The following PLEC variants were observed in gnomAD, a reference collection of about 807,000 sequenced individuals.
PLEC encodes hemidesmosomal protein 1.
A neutral mutation model predicts 392.8 loss-of-function variants in PLEC; 216 were observed. That is an observed-to-expected ratio of 0.55 (90% CI 0.49 to 0.62). PLEC has a LOEUF of 0.62. PLEC is among the 20% of genes least tolerant of loss of function. The pLI, the probability that PLEC is intolerant of heterozygous loss-of-function variation, is 0.00. For missense variants in PLEC, 6,863 were observed against 6,563.4 expected, an observed-to-expected ratio of 1.05 and a Z score of -1.58; for synonymous variants, 3,621 against 2,980.6, an observed-to-expected ratio of 1.21 and a Z score of -7.00.
rs781832846 is a variant in PLEC, at chr8:143,916,843, G to T, written c.12978C>A (p.Thr4326=). Residue 4326 remains threonine, a synonymous_variant, in exon 32 of 32, where the codon ACC becomes ACA. Transcript: ENST00000345136. ...ACTGGIIDPS[T]GERFPVTDAV... is the part of the protein sequence containing the mutation. ...CGTCGGTGACAGGGAAGCGCTCACC[G>T]GTGCTGGGGTCGATGATGCCCCCGG... The T allele has an allele frequency of 6.2e-7, 1 of 1,612,924 alleles. No individual in the cohort carries two copies. Among genetic ancestry groups the T allele is most frequent in the Non-Finnish European group, 8.5e-7 (1 of 1,179,934 alleles).
intron 3 of PLEC, chr8:143,937,824 T>C: frequency 1.8e-6 from 1 of 556,876 alleles, no homozygotes; most frequent in Non-Finnish European, 3.4e-6. Context: ...AGGGCAGAGG[T>C]CAAGGTTCAG....
intron 1 of PLEC, among the ~76,000 whole-genome samples, chr8:143,949,017 C>A (rs1426757738): frequency 6.6e-6 from 1 of 152,192 alleles, no homozygotes; most frequent in African/African-American, 2.4e-5. Flanking sequence ...TCCAAAGCCG[C>A]AGAGAGAGCC....
In PLEC at chr8:143,920,524, C is replaced by A; in HGVS notation, c.9297G>T (p.Glu3099Asp). ...PEFHEKLLSA[E>D]KAVTGYRDPY... ...GGTCCCTGTACCCTGTCACAGCCTT[C>A]TCGGCTGATAGCAGCTTCTCATGAA... The change falls in exon 32 of 32, where the codon GAG becomes GAT. Residue 3099 changes from glutamate (E) to aspartate (D), a missense_variant. Glu to Asp is a conservative substitution (Grantham distance 45). Transcript: ENST00000345136. 1 of 1,611,386 alleles carries A rather than the reference C, an allele frequency of 6.2e-7. No individual in the cohort carries two copies. Among genetic ancestry groups the A allele is most frequent in the Non-Finnish European group, 8.5e-7 (1 of 1,179,530 alleles).
chr8:143,959,770 G>A (rs1554740212), intron 1 of PLEC, among the ~76,000 whole-genome samples: 1 of 152,212 alleles, frequency 6.6e-6, no homozygotes, highest in African/African-American at 2.4e-5. Flanking sequence ...GCCAAGGCGG[G>A]CAGATCACGA....
In PLEC at chr8:143,918,563, A is replaced by G; in HGVS notation, c.11258T>C (p.Val3753Ala). 6.2e-7 allele frequency: 1 copy of G among 1,611,366 alleles called. No individual in the cohort carries two copies. The highest frequency in any genetic ancestry group is 1.1e-5 in the South Asian group (1 of 91,046). The change falls in exon 32 of 32, where the codon GTG (valine) becomes GCG (alanine). Residue 3753 changes from valine (V) to alanine (A), a missense_variant. Transcript: ENST00000345136. ...TVDEAVRKGLVGPELHDRLLS... is the reference protein window; with the variant it reads ...TVDEAVRKGLAGPELHDRLLS... ...CAGGCGGTCGTGCAGCTCGGGCCCC[A>G]CGAGGCCCTTCCGCACAGCCTCATC...
At chr8:143,950,599 C>A in exon 1 of PLEC, 1 of 1,607,198 alleles carries the variant, frequency 6.2e-7, no homozygotes, top group Non-Finnish European at 8.5e-7. Flanking sequence ...CATGGGGGTG[C>A]AAGCTGCGGG....
intron 1 of PLEC, among the ~76,000 whole-genome samples, chr8:143,970,669 G>A (rs1415376473): frequency 6.6e-6 from 1 of 152,100 alleles, no homozygotes; most frequent in African/African-American, 2.4e-5. Flanking sequence ...TGGCAACACC[G>A]CTCTCTTTTC....
chr8:143,916,368 A>C lies in PLEC; in HGVS notation c.13453T>G (p.Ser4485Ala). Reference protein sequence around the residue: ...YSPYSVSGSGSTAGSRTGSRT... With the variant: ...YSPYSVSGSGATAGSRTGSRT... ...GAGCCGGTGCGGGAGCCAGCGGTAG[A>C]GCCGGAGCCGCTGACGCTGTAGGGG... The change falls in exon 32 of 32, where the codon TCT becomes GCT. Residue 4485 changes from serine (S) to alanine (A), a missense_variant. Ser to Ala is a moderately conservative substitution (Grantham distance 99). Transcript: ENST00000345136. 1 of 1,609,834 alleles carries C rather than the reference A, an allele frequency of 6.2e-7. No homozygotes were observed. Among genetic ancestry groups the C allele is most frequent in the African/African-American group, 1.3e-5 (1 of 74,942 alleles).
intron 1 of PLEC, among the ~76,000 whole-genome samples, chr8:143,939,049 G>C (rs1554726256): frequency 6.6e-6 from 1 of 152,186 alleles, no homozygotes; most frequent in African/African-American, 2.4e-5. Context: ...CAGAGCCAGG[G>C]CCCGGGCCCG....
chr8:143,931,386 T>C (rs1450563695), intron 19 of PLEC, 148 bp downstream of exon 19: 1 of 612,120 alleles, frequency 1.6e-6, no homozygotes, highest in East Asian at 3.3e-5. Flanking sequence ...TCCTGCCTCA[T>C]TCCCGCTTCG....
intron 3 of PLEC, chr8:143,937,834 G>C: frequency 1.7e-6 from 1 of 574,464 alleles, no homozygotes; most frequent in Non-Finnish European, 3.3e-6. Flanking sequence ...TCAAGGTTCA[G>C]AGTCCAAGCA....
Position 143,938,225 on chromosome 8 carries a change from T to C in PLEC, c.190A>G (p.Ser64Gly), listed in dbSNP as rs782211684. 1.9e-6 allele frequency: 3 copies of C among 1,604,284 alleles called. No homozygotes were observed. The highest frequency in any genetic ancestry group is 2.5e-6 in the Non-Finnish European group (3 of 1,176,946). Residue 64 changes from serine to glycine, a missense_variant, in exon 3 of 32, where the codon AGT (serine) becomes GGT (glycine). Coordinates refer to ENST00000345136, the MANE Select transcript of PLEC (RefSeq NM_201384.3). ...KHLIKAQRHI[S>G]DLYEDLRDGH... Reference sequence around the variant, plus strand: ...TCGCGGAGGTCTTCATACAGGTCACTGATGTGCCTCTGGGCCTGTGGGGAC... The same window carrying C: ...TCGCGGAGGTCTTCATACAGGTCACCGATGTGCCTCTGGGCCTGTGGGGAC...
In PLEC at chr8:143,918,971, C is replaced by A; in HGVS notation, c.10850G>T (p.Arg3617Leu). 5 of 1,610,860 alleles carry A rather than the reference C, an allele frequency of 3.1e-6. 1 individual carries two copies. Among genetic ancestry groups the A allele is most frequent in the Non-Finnish European group, 4.2e-6 (5 of 1,180,006 alleles). The part of the protein sequence containing the change: ...DFQAGRVTKE[R>L]MIIIIIEIIE... ...GATCTCGATGATGATGATGATCATG[C>A]GTTCCTTGGTCACCCGGCCGGCCTG... The change falls in exon 32 of 32, where the codon CGC (arginine) becomes CTC (leucine). Residue 3617 changes from arginine to leucine, a missense_variant. Transcript: ENST00000345136.
chr8:143,949,444 A>G (rs1831868144), intron 1 of PLEC, among the ~76,000 whole-genome samples: 1 of 152,130 alleles, frequency 6.6e-6, no homozygotes, highest in Non-Finnish European at 1.5e-5. Context: ...GGACAGAGGG[A>G]GGCCACAGAG....
In PLEC at chr8:143,924,075, G is replaced by C; in HGVS notation, c.5854C>G (p.Arg1952Gly). 1 of 1,597,862 alleles carries C rather than the reference G, an allele frequency of 6.3e-7. No individual in the cohort carries two copies. Among genetic ancestry groups the C allele is most frequent in the Non-Finnish European group, 8.5e-7 (1 of 1,179,200 alleles). The change falls in exon 31 of 32, where the codon CGC becomes GGC. Residue 1952 changes from arginine to glycine, a missense_variant. Coordinates refer to ENST00000345136, the MANE Select transcript of PLEC (RefSeq NM_201384.3). ...CGCAGCGTGTCCTCCGCGTTGCTGCGGATGCGTCCCAGCTCCAGCTCCAGC... is the reference window on the plus strand; with the variant it reads ...CGCAGCGTGTCCTCCGCGTTGCTGCCGATGCGTCCCAGCTCCAGCTCCAGC... ...AELELELGRI[R>G]SNAEDTLRSK... is the part of the protein sequence containing the mutation.
In PLEC at chr8:143,933,177, G is replaced by GAGGGC. The variant is rs1564135507; in HGVS notation, c.1418+15_1418+19dup. ...GGGCCGTGTGTACCTGGGCTTCAGG[G>GAGGGC]AGGGCAGGGCGGGGCCCACCTGCGG... On this transcript the variant is annotated intron_variant, in intron 13 of 31. Transcript: ENST00000345136. 1 of 1,609,908 alleles carries GAGGGC rather than the reference G, an allele frequency of 6.2e-7. No individual in the cohort carries two copies. Among genetic ancestry groups the GAGGGC allele is most frequent in the Non-Finnish European group, 8.5e-7 (1 of 1,178,658 alleles).
At chr8:143,931,781 T>C (rs1156690103) in intron 18 of PLEC, 122 bp from the exon 19 acceptor site, 2 of 1,504,540 alleles carry the variant, frequency 1.3e-6, no homozygotes, top group African/African-American at 2.8e-5. Context: ...CCAGGAGGCC[T>C]GGGGAGCACC....
upstream of PLEC, chr8:143,939,732 G>A: frequency 9.0e-7 from 1 of 1,111,552 alleles, no homozygotes; most frequent in Non-Finnish European, 1.2e-6. Context: ...CTCCCCCACA[G>A]ACACGCCCTC....
Position 143,920,125 on chromosome 8 carries a change from C to G in PLEC, c.9696G>C (p.Glu3232Asp). The G allele has an allele frequency of 6.2e-7, 1 of 1,612,974 alleles. No individual in the cohort carries two copies. The highest frequency in any genetic ancestry group is 8.5e-7 in the Non-Finnish European group (1 of 1,180,052). The change falls in exon 32 of 32, where the codon GAG becomes GAC. Residue 3232 changes from glutamate (E) to aspartate (D), a missense_variant. By Grantham distance (45) the Glu-to-Asp change is conservative (BLOSUM62 2). Transcript: ENST00000345136. ...EELYSELQAR[E>D]TFEKTPVEVP... ...CCTCAACCGGGGTCTTTTCAAAGGTCTCACGGGCCTGCAGCTCTGAGTAGA... is the reference window on the plus strand; with the variant it reads ...CCTCAACCGGGGTCTTTTCAAAGGTGTCACGGGCCTGCAGCTCTGAGTAGA...
Sources: gnomAD v4.1 joint callset for allele counts (sites outside exome capture counted in the v4.1 genomes callset) on GRCh38, gnomAD v4.1.1 for gene constraint, MANE v1.5 for transcripts, NCBI Gene and HGNC (gene_info 2026-07-23, HGNC 2026-07-21) for gene names.